Variants in MALRD1 observed in about 807,000 individuals in gnomAD.
MALRD1 encodes MAM and LDL receptor class A domain containing 1.
A neutral mutation model predicts 242.1 loss-of-function variants in MALRD1; 247 were observed. That is an observed-to-expected ratio of 1.02 (90% CI 0.92 to 1.13). The LOEUF (loss-of-function observed/expected upper bound fraction) is 1.13, where lower values mean the gene tolerates loss of function less well. Ranked by LOEUF, MALRD1 falls within the 50% of genes most tolerant of loss-of-function variation. MALRD1 has a pLI of 0.00. For synonymous variants in MALRD1, 995 were observed against 866.6 expected, an observed-to-expected ratio of 1.15 and a Z score of -2.60; for missense variants, 2,989 against 2,533.1, an observed-to-expected ratio of 1.18 and a Z score of -3.86.
intron 21 of MALRD1, among the ~76,000 whole-genome samples, chr10:19,299,653 G>A (rs1041221719): frequency 6.6e-6 from 1 of 151,862 alleles, no homozygotes; most frequent in Middle Eastern, 3.2e-3. Context: ...TGCAGAAAAG[G>A]CTTTCCATAA....
intron 36 of MALRD1, among the ~76,000 whole-genome samples, chr10:19,622,197 A>G (rs1421229633): frequency 8.5e-6 from 1 of 118,230 alleles, no homozygotes; most frequent in Non-Finnish European, 2.1e-5. Context: ...GAATCAGAAA[A>G]GAAGTTATCA....
At chr10:19,605,517 T>C (rs1589297758) in intron 34 of MALRD1, among the ~76,000 whole-genome samples, 1 of 148,966 alleles carries the variant, frequency 6.7e-6, no homozygotes, top group East Asian at 2.0e-4. Flanking sequence ...TTATCTGTGC[T>C]ACTTCCTTAT....
At chr10:19,654,152 C>G (rs1381059529) in intron 36 of MALRD1, among the ~76,000 whole-genome samples, 2 of 152,064 alleles carry the variant, frequency 1.3e-5, no homozygotes, top group East Asian at 3.9e-4. Flanking sequence ...TTATCACCTC[C>G]CATAAGCACT....
intron 36 of MALRD1, among the ~76,000 whole-genome samples, chr10:19,691,303 G>A (rs577734253): frequency 4.9e-4 from 74 of 152,110 alleles, no homozygotes; most frequent in Admixed American, 1.6e-3. Flanking sequence ...GAACCTCCAC[G>A]CTTTTTATAT....
At chr10:19,275,391 G>A (rs1295999027) in intron 19 of MALRD1, among the ~76,000 whole-genome samples, 1 of 152,126 alleles carries the variant, frequency 6.6e-6, no homozygotes, top group African/African-American at 2.4e-5. Context: ...GAAATCGGCC[G>A]GGTGCGGTGG....
At chr10:19,496,058 C>T (rs867819229) in intron 30 of MALRD1, among the ~76,000 whole-genome samples, 10 of 152,132 alleles carry the variant, frequency 6.6e-5, no homozygotes, top group Non-Finnish European at 2.9e-5. Flanking sequence ...CAGGAGTACC[C>T]ATATTCATAA....
chr10:19,641,147 A>G (rs1306337027), intron 36 of MALRD1, among the ~76,000 whole-genome samples: 2 of 152,180 alleles, frequency 1.3e-5, no homozygotes, highest in South Asian at 2.1e-4. Flanking sequence ...GATGGCGGGT[A>G]ATTTTTTTAG....
At chr10:19,308,290 G>T (rs900244600) in intron 21 of MALRD1, among the ~76,000 whole-genome samples, 1 of 151,332 alleles carries the variant, frequency 6.6e-6, no homozygotes, top group Non-Finnish European at 1.5e-5. Context: ...GGTAATTAGG[G>T]TGTTCACCAT....
intron 28 of MALRD1, among the ~76,000 whole-genome samples, chr10:19,437,519 T>G (rs915052007): frequency 3.9e-5 from 6 of 152,024 alleles, no homozygotes; most frequent in African/African-American, 1.4e-4. Flanking sequence ...ATTATTATTT[T>G]TTGTTATTGT....
intron 32 of MALRD1, among the ~76,000 whole-genome samples, chr10:19,565,925 T>C (rs1434402762): frequency 2.0e-5 from 3 of 152,156 alleles, no homozygotes; most frequent in African/African-American, 7.2e-5. Flanking sequence ...TGATTTATTT[T>C]TGTTTTGTTT....
At chr10:19,476,467 A>G (rs1265361152) in intron 29 of MALRD1, among the ~76,000 whole-genome samples, 2 of 152,180 alleles carry the variant, frequency 1.3e-5, no homozygotes, top group South Asian at 4.2e-4. Flanking sequence ...ACTGAGAGAC[A>G]TACTCCCTGT....
intron 5 of MALRD1, among the ~76,000 whole-genome samples, chr10:19,119,794 G>A (rs1400637008): frequency 2.0e-5 from 3 of 152,140 alleles, no homozygotes; most frequent in Admixed American, 6.6e-5. Context: ...TTTGGGAAAG[G>A]GCTGTTACCA....
intron 29 of MALRD1, among the ~76,000 whole-genome samples, chr10:19,453,709 C>G (rs1034746173): frequency 6.6e-6 from 1 of 151,798 alleles, no homozygotes; most frequent in Non-Finnish European, 1.5e-5. Flanking sequence ...AACTCCAACT[C>G]TACTAAAAAT....
At chr10:19,174,639 G>A (rs373431644) in intron 13 of MALRD1, among the ~76,000 whole-genome samples, 25 of 151,810 alleles carry the variant, frequency 1.6e-4, no homozygotes, top group East Asian at 5.8e-4. Context: ...ATTATTCAGC[G>A]TTAGAATAAA....
chr10:19,453,580 T>A (rs1835444075), intron 29 of MALRD1, among the ~76,000 whole-genome samples: 1 of 152,114 alleles, frequency 6.6e-6, no homozygotes, highest in South Asian at 2.1e-4. Flanking sequence ...AACTCCCATC[T>A]CTATAAAAAT....
At chr10:19,345,327 C>G (rs892316690) in intron 24 of MALRD1, among the ~76,000 whole-genome samples, 2 of 152,128 alleles carry the variant, frequency 1.3e-5, no homozygotes, top group Non-Finnish European at 2.9e-5. Context: ...AGATGCTGCT[C>G]TATATGCTAA....
chr10:19,603,387 G>A (rs1458328179), intron 34 of MALRD1, among the ~76,000 whole-genome samples: 1 of 152,126 alleles, frequency 6.6e-6, no homozygotes, highest in Non-Finnish European at 1.5e-5. Context: ...GTAAGGAAGG[G>A]ATCCAGTTTC....
chr10:19,668,044 A>G (rs981185574), intron 36 of MALRD1, among the ~76,000 whole-genome samples: 1 of 152,124 alleles, frequency 6.6e-6, no homozygotes, highest in Non-Finnish European at 1.5e-5. Flanking sequence ...AATCCCATTA[A>G]TGAGGGCTCC....
At chr10:19,099,856 G>A (rs184151454) in intron 4 of MALRD1, among the ~76,000 whole-genome samples, 5 of 151,312 alleles carry the variant, frequency 3.3e-5, no homozygotes, top group African/African-American at 9.7e-5. Flanking sequence ...TCTGCCTCCC[G>A]GGTTCAAGCG....
Sources: allele counts gnomAD v4.1 joint callset (sites outside exome capture counted in the v4.1 genomes callset), GRCh38; gene constraint gnomAD v4.1.1; transcripts MANE v1.5; gene names NCBI Gene and HGNC (gene_info 2026-07-23, HGNC 2026-07-21).